The following EEF2K variants were observed in gnomAD, a reference collection of about 807,000 sequenced individuals.
EEF2K encodes eukaryotic elongation factor 2 kinase, also known as alternative protein EEF2K.
EEF2K carries 70 observed loss-of-function variants against 93.8 expected under a neutral mutation model. The ratio of observed to expected loss-of-function variants is 0.75; its 90% CI spans 0.62 to 0.91. The LOEUF is 0.91. Ranked by LOEUF, EEF2K falls within the 40% of genes least tolerant of loss-of-function variation. The pLI is 0.00. For synonymous variants in EEF2K, 376 were observed against 380.8 expected, an observed-to-expected ratio of 0.99 and a Z score of 0.15; for missense variants, 935 against 972.9, an observed-to-expected ratio of 0.96 and a Z score of 0.52.
chr16:22,245,489 G>A (rs897311355), intron 3 of EEF2K, among the ~76,000 whole-genome samples: 4 of 151,890 alleles, frequency 2.6e-5, no homozygotes, highest in Non-Finnish European at 5.9e-5. Context: ...TGTTTTTCCC[G>A]GTGGAGGCAT....
intron 17 of EEF2K, among the ~76,000 whole-genome samples, chr16:22,282,587 G>A (rs2047705087): frequency 6.6e-6 from 1 of 152,196 alleles, no homozygotes; most frequent in Admixed American, 6.5e-5. Context: ...CACAAAAGTA[G>A]CTTTGTTATA....
intron 16 of EEF2K, among the ~76,000 whole-genome samples, chr16:22,279,656 A>G (rs2047673964): frequency 1.3e-5 from 2 of 151,894 alleles, no homozygotes; most frequent in Non-Finnish European, 2.9e-5. Flanking sequence ...GTTTTTTTGT[A>G]GAGACACGGT....
intron 4 of EEF2K, among the ~76,000 whole-genome samples, chr16:22,249,262 C>T (rs1483580966): frequency 1.3e-5 from 2 of 150,350 alleles, no homozygotes; most frequent in Non-Finnish European, 3.0e-5. Flanking sequence ...TAAGCCACCA[C>T]ACCCGTCTCT....
At chr16:22,262,249 C>T (rs1420117943) in intron 11 of EEF2K, among the ~76,000 whole-genome samples, 2 of 152,130 alleles carry the variant, frequency 1.3e-5, no homozygotes, top group Admixed American at 6.6e-5. Context: ...CGGTGGCTCA[C>T]GCCTGTAATC....
At chr16:22,279,873 G>A (rs1410793023) in intron 16 of EEF2K, among the ~76,000 whole-genome samples, 1 of 152,144 alleles carries the variant, frequency 6.6e-6, no homozygotes, top group Non-Finnish European at 1.5e-5. Context: ...GCGTGCACCT[G>A]TAATCCTAGC....
intron 16 of EEF2K, among the ~76,000 whole-genome samples, chr16:22,276,874 C>T (rs1275721723): frequency 2.0e-5 from 3 of 152,164 alleles, no homozygotes; most frequent in Middle Eastern, 3.4e-3. Flanking sequence ...CTGAACAACA[C>T]TCTGAAACCC....
chr16:22,279,700 C>A (rs1302994085), intron 16 of EEF2K, among the ~76,000 whole-genome samples: 2 of 152,032 alleles, frequency 1.3e-5, no homozygotes, highest in African/African-American at 4.8e-5. Flanking sequence ...CAACTGCTCT[C>A]TTAATAAATA....
At chr16:22,265,705 T>C (rs2047510818) in intron 13 of EEF2K, among the ~76,000 whole-genome samples, 2 of 152,372 alleles carry the variant, frequency 1.3e-5, no homozygotes, top group Non-Finnish European at 1.5e-5. Flanking sequence ...ATGTTTAGCA[T>C]GCAAACGTGC....
At chr16:22,229,426 G>A (rs2047094553) in intron 2 of EEF2K, among the ~76,000 whole-genome samples, 1 of 152,272 alleles carries the variant, frequency 6.6e-6, no homozygotes. Context: ...TAAAGAAGAC[G>A]GGGAGAAGCC....
rs371495785 is a variant in EEF2K at position 22,280,183 on chromosome 16, G to C, written c.1890-15G>C. 3 of 1,456,832 alleles carry C rather than the reference G, an allele frequency of 2.1e-6. No individual in the cohort carries two copies. The highest frequency in any genetic ancestry group is 2.7e-6 in the Non-Finnish European group (3 of 1,096,924). 90.2% of individuals were successfully genotyped at this position (1,456,832 alleles called of 1,614,324 possible). A position where few individuals can be genotyped will look rare whatever the true frequency, so the allele number is the denominator to read the frequency against. ...CATGGTAACCTCCACCTTTCCCTCT[G>C]TATCTCCTGGCAAGGTGCCAAGACT... is the stretch of plus-strand genomic sequence containing the variant. On this transcript the variant is annotated splice_polypyrimidine_tract_variant and intron_variant, in intron 16 of 17. Coordinates refer to ENST00000263026, the MANE Select transcript of EEF2K (RefSeq NM_013302.5).
Position 22,225,975 on chromosome 16 carries a change from G to A in EEF2K, c.246G>A (p.Lys82=), listed in dbSNP as rs779375728. 1 of 1,613,636 alleles carries A rather than the reference G, an allele frequency of 6.2e-7. No homozygotes were observed. Among genetic ancestry groups the A allele is most frequent in the Non-Finnish European group, 8.5e-7 (1 of 1,179,578 alleles). Residue 82 remains lysine, a splice_region_variant and synonymous_variant, in exon 2 of 18, where the codon AAG becomes AAA. Transcript: ENST00000263026. The part of the protein sequence containing the change: ...SGSPANSFHF[K]EAWKHAIQKA... ...CCCCGGCAAACTCCTTCCACTTCAA[G>A]GTGAGTGAGCCACCTATTCCACCTT...
chr16:22,282,647 C>G (rs61523140), intron 17 of EEF2K, among the ~76,000 whole-genome samples: 19 of 152,208 alleles, frequency 1.2e-4, no homozygotes, highest in Admixed American at 1.2e-3. Context: ...GTCTCTTGCT[C>G]TTTGCCTTCT....
intron 1 of EEF2K, among the ~76,000 whole-genome samples, chr16:22,208,249 G>A (rs554236028): frequency 2.0e-5 from 3 of 152,292 alleles, no homozygotes; most frequent in Non-Finnish European, 4.4e-5. Flanking sequence ...GGCCAGGGGC[G>A]TGGTGGCTCA....
intron 1 of EEF2K, among the ~76,000 whole-genome samples, chr16:22,216,382 C>A (rs1345130945): frequency 2.0e-5 from 3 of 152,150 alleles, no homozygotes; most frequent in Non-Finnish European, 4.4e-5. Flanking sequence ...CAGTCTTTCA[C>A]GTGCATTATT....
At chr16:22,272,860 C>T (rs765444465) in intron 15 of EEF2K, among the ~76,000 whole-genome samples, 23 of 152,096 alleles carry the variant, frequency 1.5e-4, no homozygotes, top group Non-Finnish European at 2.9e-5. Context: ...CGGGGTTTCA[C>T]CATGTTGGCC....
chr16:22,248,610 G>A (rs2047318076), intron 3 of EEF2K, 145 bp from the exon 4 acceptor site: 1 of 823,708 alleles, frequency 1.2e-6, no homozygotes, highest in Admixed American at 2.3e-5. Flanking sequence ...ACCCAACCCA[G>A]GAGGTTGGCT....
chr16:22,266,914 G>T, intron 15 of EEF2K, 38 bp downstream of exon 15: 1 of 1,571,118 alleles, frequency 6.4e-7, no homozygotes, highest in South Asian at 1.2e-5. Flanking sequence ...AGGTGGGGGT[G>T]GGACTTGGTC....
At chr16:22,247,378 G>A (rs763712785) in intron 3 of EEF2K, among the ~76,000 whole-genome samples, 55 of 151,096 alleles carry the variant, frequency 3.6e-4, no homozygotes, top group Non-Finnish European at 7.2e-4. Flanking sequence ...AACCCAAGAA[G>A]CGGAGGTTGT....
chr16:22,269,558 C>T (rs1411285942), intron 15 of EEF2K, among the ~76,000 whole-genome samples: 2 of 151,672 alleles, frequency 1.3e-5, no homozygotes, highest in African/African-American at 2.4e-5. Context: ...CCTGCCACCA[C>T]ACCTGGCTAA....
Sources: allele counts gnomAD v4.1 joint callset (sites outside exome capture counted in the v4.1 genomes callset), GRCh38; gene constraint gnomAD v4.1.1; transcripts MANE v1.5; gene names NCBI Gene and HGNC (gene_info 2026-07-23, HGNC 2026-07-21).